Variants in NBPF3 observed in about 807,000 individuals in gnomAD.
NBPF3 encodes the protein NBPF family member NBPF3.
NBPF3 carries 57 observed loss-of-function variants against 78.1 expected under a neutral mutation model. The ratio of observed to expected loss-of-function variants is 0.73; its 90% CI spans 0.59 to 0.91. The LOEUF (loss-of-function observed/expected upper bound fraction) is 0.91, where lower values mean the gene tolerates loss of function less well. Ranked by LOEUF, NBPF3 falls within the 40% of genes least tolerant of loss-of-function variation. The pLI is 0.00. For missense variants in NBPF3, 510 were observed against 715.3 expected (o/e 0.71, Z 3.27); for synonymous variants, 182 against 271.7 (o/e 0.67, Z 3.25).
chr1:21,464,549 G>C (rs1642146157), intron 2 of NBPF3, among the ~76,000 whole-genome samples: 1 of 152,114 alleles, frequency 6.6e-6, no homozygotes, highest in Admixed American at 6.6e-5. Flanking sequence ...GGTTGTGAAA[G>C]TTTTGGAATA....
upstream of NBPF3, chr1:21,436,818 G>A: frequency 9.4e-7 from 1 of 1,067,772 alleles, no homozygotes; most frequent in Non-Finnish European, 1.2e-6. The surrounding 1 kb of genome is among the most constrained non-coding windows in gnomAD (Gnocchi z 4.3). Flanking sequence ...AGGTAGGAAG[G>A]GGCTTGAGCG....
intron 2 of NBPF3, among the ~76,000 whole-genome samples, chr1:21,459,023 G>A (rs941450568): frequency 6.6e-6 from 1 of 152,116 alleles, no homozygotes; most frequent in Non-Finnish European, 1.5e-5. Flanking sequence ...ATCATTACAT[G>A]CTTAAGAATA....
chr1:21,479,359 T>A lies in NBPF3; in HGVS notation c.1167T>A (p.Cys389Ter). 1.9e-6 allele frequency: 3 copies of A among 1,611,338 alleles called. No individual in the cohort carries two copies. In the South Asian group the frequency reaches 3.3e-5, roughly 18 times the overall value. Reference protein sequence around the residue: ...GLALDIGRHWCDQVKKEDQEA... With the variant: ...GLALDIGRHW ...TGAATTTATTTGCAGGACATTGGTG[T>A]GATCAAGTGAAAAAGGAGGACCAAG... The change falls in exon 10 of 15, where the codon TGT (cysteine) becomes TGA (stop). Residue 389 changes from cysteine to a stop codon, truncating the protein, a stop_gained. Coordinates refer to ENST00000318249, the MANE Select transcript of NBPF3 (RefSeq NM_032264.6). LOFTEE classifies it high-confidence loss of function.
upstream of NBPF3, among the ~76,000 whole-genome samples, chr1:21,438,418 T>C (rs1240166512): frequency 1.3e-5 from 2 of 152,200 alleles, no homozygotes; most frequent in Admixed American, 6.5e-5. Context: ...CAGCCCAGTT[T>C]TGTGATCTTT....
chr1:21,452,482 T>C (rs1002449967), intron 2 of NBPF3, among the ~76,000 whole-genome samples: 8 of 152,202 alleles, frequency 5.3e-5, no homozygotes, highest in African/African-American at 1.7e-4. Flanking sequence ...CTCCTCCTTT[T>C]CAACCTACAG....
At chr1:21,457,346 G>GTATATATATATATATA (rs1553390301) in intron 2 of NBPF3, among the ~76,000 whole-genome samples, 101 of 40,790 alleles carry the variant, frequency 2.5e-3, no homozygotes, top group African/African-American at 5.4e-3. Flanking sequence ...GAGTGTGTGT[G>GTATATATATATATATA]TGTATATATA....
At position 21,478,239 on chromosome 1, in the gene NBPF3, A is replaced by T. The variant is rs1205054550; in HGVS notation, c.1088A>T (p.Tyr363Phe). The part of the protein sequence containing the change: ...LSIPPDMSAS[Y>F]QSDRSTFHSV... ...ATTCCTCCTGACATGTCTGCCTCATACCAGTCTGACAGGAGCACCTTTCAC... is the reference window on the plus strand; with the variant it reads ...ATTCCTCCTGACATGTCTGCCTCATTCCAGTCTGACAGGAGCACCTTTCAC... Residue 363 changes from tyrosine (Y) to phenylalanine (F), a missense_variant, in exon 9 of 15, where the codon TAC becomes TTC. Transcript: ENST00000318249. The T allele has an allele frequency of 1.9e-6, 3 of 1,613,984 alleles. No homozygotes were observed. The highest frequency in any genetic ancestry group is 2.7e-5 in the African/African-American group (2 of 74,900).
rs758445042 is a variant in NBPF3, at chr1:21,471,792, G to A, written c.661+9G>A. 1.5e-5 allele frequency: 24 copies of A among 1,612,290 alleles called. No individual in the cohort carries two copies. The highest frequency in any genetic ancestry group is 2.2e-5 in the East Asian group (1 of 44,834). On this transcript the variant is annotated intron_variant, in intron 5 of 14. Coordinates refer to ENST00000318249, the MANE Select transcript of NBPF3 (RefSeq NM_032264.6). The stretch of plus-strand genomic sequence containing the variant: ...CCAAAAGCTCAGCCCAGGTGAGGTG[G>A]CCATAGGCCCTGATGACCCAAAACC...
Position 21,481,626 on chromosome 1 carries a change from A to G in NBPF3, c.1463A>G (p.Glu488Gly), listed in dbSNP as rs1428435589. 6.2e-7 allele frequency: 1 copy of G among 1,612,378 alleles called. No individual in the cohort carries two copies. The highest frequency in any genetic ancestry group is 1.3e-5 in the African/African-American group (1 of 74,374). The part of the protein sequence containing the change: ...RLSRELPEVV[E>G]PEDLQDSLDR... ...AGCAGAGAGCTGCCGGAGGTAGTAG[A>G]GCCTGAGGACTTGCAGGACTCACTG... Residue 488 changes from glutamate to glycine, a missense_variant, in exon 13 of 15, where the codon GAG (glutamate) becomes GGG (glycine). By Grantham distance (98) the Glu-to-Gly change is moderately conservative (BLOSUM62 -2). Transcript: ENST00000318249.
intron 2 of NBPF3, among the ~76,000 whole-genome samples, chr1:21,457,167 CGTGTGT>C (rs56310866): frequency 2.7e-5 from 4 of 149,788 alleles, no homozygotes; most frequent in African/African-American, 4.9e-5. Context: ...TGGTGGCTCA[CGTGTGT>C]GTGTGTGTGT....
rs1640545295 is a variant in NBPF3, at chr1:21,440,284, G to A, written c.-204G>A. On this transcript the variant is annotated 5_prime_UTR_variant, in exon 1 of 15. Coordinates refer to ENST00000318249, the MANE Select transcript of NBPF3 (RefSeq NM_032264.6). Reference sequence around the variant, plus strand: ...GCGCCAGGAGCTGGGCCGAGGCGCGGCGGCGCGGCTGCGGGCCGCCGTCTG... The same window carrying A: ...GCGCCAGGAGCTGGGCCGAGGCGCGACGGCGCGGCTGCGGGCCGCCGTCTG... The A allele has an allele frequency of 6.6e-6, 1 of 152,268 alleles. No individual in the cohort carries two copies. Among genetic ancestry groups the A allele is most frequent in the Admixed American group, 6.5e-5 (1 of 15,288 alleles). 9.4% of individuals were successfully genotyped at this position (152,268 alleles called of 1,614,324 possible).
chr1:21,472,330 G>A (rs72478507), intron 5 of NBPF3, among the ~76,000 whole-genome samples: 17,390 of 152,222 alleles, frequency 0.11, 1,344 homozygotes, highest in South Asian at 0.32. Context: ...CTTGATGTGG[G>A]GGCATTTGGT....
chr1:21,481,645 C>T lies in NBPF3; in HGVS notation c.1482C>T (p.Asp494=). 6.2e-7 allele frequency: 1 copy of T among 1,612,214 alleles called. No homozygotes were observed. Among genetic ancestry groups the T allele is most frequent in the Non-Finnish European group, 8.5e-7 (1 of 1,179,348 alleles). Residue 494 remains aspartate (D), a synonymous_variant, in exon 13 of 15, where the codon GAC becomes GAT. Coordinates refer to ENST00000318249, the MANE Select transcript of NBPF3 (RefSeq NM_032264.6). ...TAGTAGAGCCTGAGGACTTGCAGGA[C>T]TCACTGGATAGATGGTATTCGACTC... ...PEVVEPEDLQ[D]SLDRWYSTPF...
rs144799254 is a variant in NBPF3, at chr1:21,468,875, G to A, written c.321G>A (p.Leu107=). ...TTGTAACTCAAGTGGCCTACTTCCT[G>A]GCCAACCGGCAAAATAATTACGGTA... The part of the protein sequence containing the change: ...KCLVTQVAYF[L]ANRQNNYDYE... The change falls in exon 3 of 15, where the codon CTG becomes CTA. Residue 107 remains leucine (L), a synonymous_variant. Coordinates refer to ENST00000318249, the MANE Select transcript of NBPF3 (RefSeq NM_032264.6). 1.2e-6 allele frequency: 2 copies of A among 1,613,988 alleles called. No individual in the cohort carries two copies. The highest frequency in any genetic ancestry group is 1.7e-5 in the Admixed American group (1 of 60,018).
chr1:21,481,111 T>C, intron 12 of NBPF3, 130 bp downstream of exon 12: 1 of 800,814 alleles, frequency 1.2e-6, no homozygotes, highest in Non-Finnish European at 1.9e-6. Flanking sequence ...CCTACTCACA[T>C]TGCTATTGGT....
intron 2 of NBPF3, chr1:21,468,240 T>G: frequency 3.7e-6 from 1 of 267,610 alleles, no homozygotes; most frequent in Non-Finnish European, 6.4e-6. Context: ...CTTAGATGTA[T>G]TGGGAAAGAG....
At chr1:21,473,988 C>T (rs1642751952) in intron 7 of NBPF3, among the ~76,000 whole-genome samples, 1 of 152,208 alleles carries the variant, frequency 6.6e-6, no homozygotes, top group Non-Finnish European at 1.5e-5. Context: ...CCCCAGGCTT[C>T]ACTGCTCTCA....
At chr1:21,480,567 C>T (rs747281057) in intron 11 of NBPF3, among the ~76,000 whole-genome samples, 1,932 of 148,506 alleles carry the variant, frequency 0.013, no homozygotes, top group African/African-American at 0.047. Context: ...GTCTTGCAAC[C>T]ACGAATGAGC....
At chr1:21,463,822 C>T (rs1407573985) in intron 2 of NBPF3, among the ~76,000 whole-genome samples, 2 of 152,096 alleles carry the variant, frequency 1.3e-5, no homozygotes, top group Non-Finnish European at 2.9e-5. Flanking sequence ...CTAAAGGAAA[C>T]ACTCAAATGG....
Sources: allele counts gnomAD v4.1 joint callset (sites outside exome capture counted in the v4.1 genomes callset), GRCh38; gene constraint gnomAD v4.1.1; non-coding constraint Gnocchi (gnomAD v3.1); transcripts MANE v1.5; gene names NCBI Gene and HGNC (gene_info 2026-07-23, HGNC 2026-07-21).